Variants in WDHD1 observed in about 807,000 individuals in gnomAD.
The protein encoded by WDHD1 is WD repeat and HMG-box DNA-binding protein 1.
Under a neutral mutation model 135.4 loss-of-function variants are expected in WDHD1, and 111 were observed. That is an observed-to-expected ratio of 0.82 (90% CI 0.70 to 0.96). The LOEUF (loss-of-function observed/expected upper bound fraction) is 0.96. Among genes scored for constraint, WDHD1 ranks in the 40% least tolerant of loss-of-function variants. The pLI is 0.00. For missense variants in WDHD1, 1,351 were observed against 1,336.3 expected, an observed-to-expected ratio of 1.01 and a Z score of -0.17; for synonymous variants, 434 against 439.0, an observed-to-expected ratio of 0.99 and a Z score of 0.14.
chr14:55,021,112 C>T (rs1488589972), intron 2 of WDHD1, among the ~76,000 whole-genome samples: 2 of 152,112 alleles, frequency 1.3e-5, no homozygotes, highest in East Asian at 3.8e-4. Context: ...TCATAATTTC[C>T]GTCTGACTCT....
At chr14:54,991,029 T>G (rs2041776997) in intron 12 of WDHD1, among the ~76,000 whole-genome samples, 184 bp downstream of exon 12, 1 of 152,230 alleles carries the variant, frequency 6.6e-6, no homozygotes, top group South Asian at 2.1e-4. Flanking sequence ...TCAATAAGGT[T>G]GAAACAAGAT....
In WDHD1 at chr14:54,962,975, ATCTTCT is replaced by A. The variant is rs138036839; in HGVS notation, c.2502_2507del (p.Glu834_Glu835del). Reference sequence around the variant, plus strand: ...ACCCAGCATTCAGCTTTTTTCTGAAATCTTCTTCTTCTTCTTCCTCTTCCACCTGGG... The same window carrying A: ...ACCCAGCATTCAGCTTTTTTCTGAAATCTTCTTCTTCCTCTTCCACCTGGG... On this transcript the variant is annotated inframe_deletion, in exon 19 of 26. Transcript: ENST00000360586. 6.2e-6 allele frequency: 10 copies of A among 1,613,602 alleles called. No individual in the cohort carries two copies. Among genetic ancestry groups the A allele is most frequent in the South Asian group, 4.4e-5 (4 of 91,060 alleles).
In WDHD1 at chr14:55,000,513, G is replaced by A. The variant is rs1470018144; in HGVS notation, c.932C>T (p.Ser311Leu). Reference sequence around the variant, plus strand: ...CATACTCCCTTTTACCTTACTGCTTGATGTCTTTCCACTGGGGTCACAAAC... The same window carrying A: ...CATACTCCCTTTTACCTTACTGCTTAATGTCTTTCCACTGGGGTCACAAAC... ...ENVCDPSGKTSSSKVSSRVEK... is the reference protein window; with the variant it reads ...ENVCDPSGKTLSSKVSSRVEK... The change falls in exon 10 of 26, where the codon TCA (serine) becomes TTA (leucine). Residue 311 changes from serine to leucine, a missense_variant. This residue lies in a region of WDHD1 where 1,330 missense variants were observed against 1,296.1 expected (regional missense o/e 1.03). Coordinates refer to ENST00000360586, the MANE Select transcript of WDHD1 (RefSeq NM_007086.4). The A allele has an allele frequency of 1.9e-6, 3 of 1,603,062 alleles. No individual in the cohort carries two copies. The African/African-American group carries it at 4.0e-5, about 22-fold the overall frequency.
Position 54,957,031 on chromosome 14 carries a change from T to A in WDHD1, c.2916+3A>T. On this transcript the variant is annotated splice_donor_region_variant and intron_variant, in intron 23 of 25. Transcript: ENST00000360586. Reference sequence around the variant, plus strand: ...CTGCAGATGAGGGTAGCTGAAACAGTACCTGCTTAGGCTTCGGCTTTGGAA... The same window carrying A: ...CTGCAGATGAGGGTAGCTGAAACAGAACCTGCTTAGGCTTCGGCTTTGGAA... 1 of 1,612,872 alleles carries A rather than the reference T, an allele frequency of 6.2e-7. No homozygotes were observed. Among genetic ancestry groups the A allele is most frequent in the African/African-American group, 1.3e-5 (1 of 75,000 alleles).
At chr14:54,979,316 T>C (rs2041579755) in intron 16 of WDHD1, among the ~76,000 whole-genome samples, 1 of 152,120 alleles carries the variant, frequency 6.6e-6, no homozygotes, top group Non-Finnish European at 1.5e-5. Flanking sequence ...CATGCCTGGG[T>C]AATTAAAAAA....
chr14:55,012,262 A>T (rs906543148), intron 3 of WDHD1, among the ~76,000 whole-genome samples: 1 of 152,208 alleles, frequency 6.6e-6, no homozygotes, highest in Non-Finnish European at 1.5e-5. Flanking sequence ...ATATCTAAAC[A>T]TCATCTTATC....
chr14:54,992,559 T>C (rs1300701416), intron 11 of WDHD1, among the ~76,000 whole-genome samples: 1 of 152,156 alleles, frequency 6.6e-6, no homozygotes, highest in East Asian at 1.9e-4. Flanking sequence ...TATTTGCCAT[T>C]ATGAGCTTCA....
At chr14:55,009,024 C>T (rs1312035335) in intron 4 of WDHD1, among the ~76,000 whole-genome samples, 4 of 151,890 alleles carry the variant, frequency 2.6e-5, no homozygotes, top group East Asian at 1.9e-4. Context: ...CTTGAACTCC[C>T]GACCTTGTGA....
chr14:54,953,709 C>G (rs1210664834), intron 24 of WDHD1, among the ~76,000 whole-genome samples: 1 of 152,160 alleles, frequency 6.6e-6, no homozygotes, highest in Admixed American at 6.5e-5. Context: ...ATAGCAAAGA[C>G]TTGGAACCAA....
At chr14:54,944,150 C>T (rs193161425) in intron 25 of WDHD1, among the ~76,000 whole-genome samples, 182 bp downstream of exon 25, 5 of 151,734 alleles carry the variant, frequency 3.3e-5, no homozygotes, top group Admixed American at 1.3e-4. Context: ...TTATTAGAGA[C>T]GATGTCTCAC....
At chr14:54,994,256 G>C (rs1290322987) in intron 11 of WDHD1, among the ~76,000 whole-genome samples, 1 of 152,066 alleles carries the variant, frequency 6.6e-6, no homozygotes, top group Non-Finnish European at 1.5e-5. Flanking sequence ...AGTTAGCAGT[G>C]GTACTTTGTG....
At chr14:54,979,327 A>AT (rs1241298424) in intron 16 of WDHD1, among the ~76,000 whole-genome samples, 17 of 151,608 alleles carry the variant, frequency 1.1e-4, no homozygotes, top group Admixed American at 1.1e-3. Flanking sequence ...AATTAAAAAA[A>AT]TTTTTTTTTG....
chr14:55,010,227 T>C (rs541878219), intron 4 of WDHD1, 82 bp downstream of exon 4: 1 of 1,334,670 alleles, frequency 7.5e-7, no homozygotes, highest in Non-Finnish European at 9.8e-7. Flanking sequence ...TAAGTCACGG[T>C]CCTGAAAACA....
intron 2 of WDHD1, among the ~76,000 whole-genome samples, chr14:55,019,592 G>A (rs1476015019): frequency 6.6e-6 from 1 of 152,172 alleles, no homozygotes; most frequent in East Asian, 1.9e-4. Flanking sequence ...AGTAAGGCGG[G>A]GTGTGGTGGC....
intron 16 of WDHD1, among the ~76,000 whole-genome samples, chr14:54,980,695 A>G (rs1363154652): frequency 6.6e-6 from 1 of 151,098 alleles, no homozygotes; most frequent in Non-Finnish European, 1.5e-5. Context: ...AATCTCAGCT[A>G]CTGGGGAGGC....
rs543802108 is a variant in WDHD1, at chr14:55,027,032, G to T, written c.-21C>A. 739 of 503,156 alleles carry T rather than the reference G, an allele frequency of 1.5e-3. 1 individual carries two copies. Among genetic ancestry groups the T allele is most frequent in the Non-Finnish European group, 1.5e-3 (414 of 277,654 alleles). The allele number at this position is 503,156 out of a possible 1,614,324, so 31.2% of individuals were successfully genotyped here. A position where few individuals can be genotyped will look rare whatever the true frequency, so the allele number is the denominator to read the frequency against. On this transcript the variant is annotated 5_prime_UTR_variant, in exon 1 of 26. Transcript: ENST00000360586. ...GCAGCCGGAGTGGGGACTCACCCGG[G>T]TGACCGAGCCTCCGCCACTGAGGAT...
chr14:54,944,313 T>A lies in WDHD1; in HGVS notation c.3189+19A>T. 6.3e-7 allele frequency: 1 copy of A among 1,597,210 alleles called. No individual in the cohort carries two copies. Among genetic ancestry groups the A allele is most frequent in the East Asian group, 2.2e-5 (1 of 44,512 alleles). On this transcript the variant is annotated intron_variant, in intron 25 of 25. Coordinates refer to ENST00000360586, the MANE Select transcript of WDHD1 (RefSeq NM_007086.4). ...CTGGGAATTCACTAAGATCTCAATCTCGGCACAATTATCCTTACCTTTCTT... is the reference window on the plus strand; with the variant it reads ...CTGGGAATTCACTAAGATCTCAATCACGGCACAATTATCCTTACCTTTCTT...
chr14:54,960,317 G>A (rs979590261), intron 21 of WDHD1, among the ~76,000 whole-genome samples: 9 of 151,810 alleles, frequency 5.9e-5, no homozygotes, highest in Non-Finnish European at 1.3e-4. Flanking sequence ...ACAGGTGCCT[G>A]TCACCATGCC....
chr14:54,957,548 C>T (rs367634159), intron 22 of WDHD1, 44 bp downstream of exon 22: 5 of 1,481,886 alleles, frequency 3.4e-6, no homozygotes, highest in Non-Finnish European at 3.7e-6. Flanking sequence ...TCTTTGTATA[C>T]AAATGTATTT....
Sources: gnomAD v4.1 joint callset for allele counts (sites outside exome capture counted in the v4.1 genomes callset) on GRCh38, gnomAD v4.1.1 for gene constraint, gnomAD v4.1.1 regional missense constraint, MANE v1.5 for transcripts, NCBI Gene and HGNC (gene_info 2026-07-23, HGNC 2026-07-21) for gene names.